KAT6A: variants seen among roughly 807,000 people sequenced by gnomAD.
KAT6A encodes the protein histone acetyltransferase KAT6A.
KAT6A carries 9 observed loss-of-function variants against 198.4 expected under a neutral mutation model. That is an observed-to-expected ratio of 0.05 (90% confidence interval 0.03 to 0.08). The LOEUF is 0.08. KAT6A is among the 10% of genes least tolerant of loss of function. KAT6A has a pLI of 1.00. For synonymous variants in KAT6A, 890 were observed against 883.0 expected (o/e 1.01, Z -0.14); for missense variants, 2,077 against 2,509.9 (o/e 0.83, Z 3.69).
rs1040771668 is a variant in KAT6A at position 42,021,380 on chromosome 8, C to G, written c.600+26998G>C. 8.9e-4 allele frequency among the ~76,000 whole-genome samples: 135 copies of G among 152,242 alleles called. 1 individual carries two copies. Among genetic ancestry groups the G allele is most frequent in the Non-Finnish European group, 8.8e-5 (6 of 68,014 alleles). On this transcript the variant is annotated intron_variant, in intron 2 of 16. Coordinates refer to ENST00000265713, the MANE Select transcript of KAT6A (RefSeq NM_006766.5). ...TATTTCTTGCTCTCTATTTTTGAAA[C>G]AGGCTAAAAAACCACTGCAACAATG...
chr8:41,967,881 C>T (rs1415925544), intron 8 of KAT6A, among the ~76,000 whole-genome samples: 2 of 152,014 alleles, frequency 1.3e-5, no homozygotes, highest in Non-Finnish European at 2.9e-5. Flanking sequence ...GGAAAGGATT[C>T]CCTATTTAAT....
chr8:42,016,755 A>C (rs1306303155), intron 2 of KAT6A, among the ~76,000 whole-genome samples: 1 of 152,170 alleles, frequency 6.6e-6, no homozygotes, highest in Non-Finnish European at 1.5e-5. Flanking sequence ...TAGCACTTAC[A>C]GGTCAAAACT....
intron 2 of KAT6A, among the ~76,000 whole-genome samples, chr8:42,039,195 C>T (rs1488385207): frequency 6.6e-6 from 1 of 152,192 alleles, no homozygotes; most frequent in African/African-American, 2.4e-5. Flanking sequence ...GCTGCAGATC[C>T]TTTGTGAAAT....
At chr8:41,944,039 C>T in intron 12 of KAT6A, 60 bp from the exon 13 acceptor site, 7 of 1,140,642 alleles carry the variant, frequency 6.1e-6, no homozygotes, top group Non-Finnish European at 7.8e-6. Context: ...AAACTGGATT[C>T]ACCAAAATAA....
rs894548694 is a variant in KAT6A at position 41,947,601 on chromosome 8, G to C, written c.1902+150C>G. The C allele has an allele frequency of 3.9e-5, 24 of 610,268 alleles. 1 individual carries two copies. The highest frequency in any genetic ancestry group is 1.5e-4 in the Admixed American group (4 of 27,362). The allele number at this position is 610,268 out of a possible 1,614,324, so 37.8% of individuals were successfully genotyped here. ...GTTACTAAGCACCTTCTAGCACCTG[G>C]TAAGTTTCCAAATGTTCCTTCTATT... On this transcript the variant is annotated intron_variant, in intron 11 of 16. Transcript: ENST00000265713.
In KAT6A at chr8:41,931,030, G is replaced by A. The variant is rs983000423; in HGVS notation, c.*1175C>T. On this transcript the variant is annotated 3_prime_UTR_variant, in exon 17 of 17. Coordinates refer to ENST00000265713, the MANE Select transcript of KAT6A (RefSeq NM_006766.5). ...CTTAAATAGCTACGAAACTCACACC[G>A]TGATCTCCCTTCTGACACACATCTG... 9.3e-6 allele frequency: 2 copies of A among 215,702 alleles called. No homozygotes were observed. The highest frequency in any genetic ancestry group is 1.9e-5 in the Non-Finnish European group (2 of 107,014). The allele number at this position is 215,702 out of a possible 1,614,324, so 13.4% of individuals were successfully genotyped here.
chr8:41,979,727 G>A (rs1824252425), intron 5 of KAT6A, among the ~76,000 whole-genome samples: 1 of 149,928 alleles, frequency 6.7e-6, no homozygotes, highest in African/African-American at 2.5e-5. Context: ...CAGGCTGGGC[G>A]CGGTGGCTCA....
At chr8:42,041,955 TTA>T (rs1158881452) in intron 2 of KAT6A, among the ~76,000 whole-genome samples, 2 of 152,184 alleles carry the variant, frequency 1.3e-5, no homozygotes, top group East Asian at 3.8e-4. Flanking sequence ...AGCCCTGAAT[TTA>T]ATAGCATGGA....
At chr8:41,963,357 G>A (rs1439192378) in intron 8 of KAT6A, among the ~76,000 whole-genome samples, 1 of 152,150 alleles carries the variant, frequency 6.6e-6, no homozygotes, top group East Asian at 1.9e-4. Context: ...CCACAACTGT[G>A]TAAGCATGGT....
At chr8:41,959,128 T>A (rs1488596382) in intron 8 of KAT6A, among the ~76,000 whole-genome samples, 1 of 126,204 alleles carries the variant, frequency 7.9e-6, no homozygotes, top group Non-Finnish European at 1.6e-5. Flanking sequence ...GCCACTGCAC[T>A]CCAGCCTGGG....
intron 2 of KAT6A, among the ~76,000 whole-genome samples, chr8:42,041,673 G>A (rs1827676353): frequency 6.6e-6 from 1 of 151,990 alleles, no homozygotes; most frequent in Admixed American, 6.5e-5. Context: ...GGAAGGCGGA[G>A]GTTGCAGTGA....
At chr8:42,038,739 T>A (rs1402009933) in intron 2 of KAT6A, among the ~76,000 whole-genome samples, 1 of 152,248 alleles carries the variant, frequency 6.6e-6, no homozygotes. Flanking sequence ...ACAAGTCTTT[T>A]TTTCTAATAA....
At position 41,940,871 on chromosome 8, in the gene KAT6A, T is replaced by A. The variant is rs560767148; in HGVS notation, c.3010A>T (p.Ile1004Phe). The A allele has an allele frequency of 1.2e-6, 2 of 1,613,044 alleles. No homozygotes were observed. The highest frequency in any genetic ancestry group is 3.3e-5 in the Admixed American group (2 of 60,002). The change falls in exon 15 of 17, where the codon ATT becomes TTT. Residue 1004 changes from isoleucine (I) to phenylalanine (F), a missense_variant. By Grantham distance (21) the Ile-to-Phe change is conservative (BLOSUM62 0). Transcript: ENST00000265713. ...CGCTTCAGCGTGGGCTTTGTGAGAA[T>A]TGGTGGCGAGCTTGACCGAGGGCTT... ...PESPRSSSPPILTKPTLKRKK... is the reference protein window; with the variant it reads ...PESPRSSSPPFLTKPTLKRKK...
chr8:41,944,490 T>C (rs1438369283), intron 12 of KAT6A, among the ~76,000 whole-genome samples: 1 of 152,200 alleles, frequency 6.6e-6, no homozygotes, highest in African/African-American at 2.4e-5. Flanking sequence ...ACTGCCAATA[T>C]AAGTGTGGAA....
intron 15 of KAT6A, 36 bp downstream of exon 15, chr8:41,940,806 T>A: frequency 6.3e-7 from 1 of 1,575,852 alleles, no homozygotes; most frequent in East Asian, 2.2e-5. Context: ...TAAACTGGAA[T>A]TGGAGGAAGA....
In KAT6A at chr8:41,942,876, C is replaced by T. The variant is rs754713884; in HGVS notation, c.2353G>A (p.Val785Met). 1 of 1,614,194 alleles carries T rather than the reference C, an allele frequency of 6.2e-7. No individual in the cohort carries two copies. Among genetic ancestry groups the T allele is most frequent in the Non-Finnish European group, 8.5e-7 (1 of 1,180,030 alleles). Reference protein sequence around the residue: ...RWTPVIVSNSVVSEEEEEEAE... With the variant: ...RWTPVIVSNSMVSEEEEEEAE... The stretch of plus-strand genomic sequence containing the variant: ...TCCTCTTCTTCCTCCTCTGAGACCA[C>T]AGAGTTGGACACTATGACTGGAGTC... Residue 785 changes from valine (V) to methionine (M), a missense_variant, in exon 14 of 17, where the codon GTG becomes ATG. Physicochemically the swap from Val to Met is conservative, Grantham distance 21 (BLOSUM62 1). Coordinates refer to ENST00000265713, the MANE Select transcript of KAT6A (RefSeq NM_006766.5).
In KAT6A at chr8:42,015,363, T is replaced by G. The variant is rs540584563; in HGVS notation, c.601-27800A>C. On this transcript the variant is annotated intron_variant, in intron 2 of 16. Coordinates refer to ENST00000265713, the MANE Select transcript of KAT6A (RefSeq NM_006766.5). ...ATAAGGAGGTAACTATGCAAACAACTTTCCAGATACCACGACAGCACTTAA... is the reference window on the plus strand; with the variant it reads ...ATAAGGAGGTAACTATGCAAACAACGTTCCAGATACCACGACAGCACTTAA... 1.4e-4 allele frequency among the ~76,000 whole-genome samples: 22 copies of G among 152,340 alleles called. No homozygotes were observed. In the East Asian group the frequency reaches 4.2e-3, roughly 29 times the overall value.
chr8:42,001,658 A>G lies in KAT6A; in HGVS notation c.601-14095T>C, dbSNP rs138628569. 1.8e-3 allele frequency among the ~76,000 whole-genome samples: 274 copies of G among 152,358 alleles called. 1 individual carries two copies. Among genetic ancestry groups the G allele is most frequent in the African/African-American group, 6.4e-3 (267 of 41,584 alleles). On this transcript the variant is annotated intron_variant, in intron 2 of 16. Coordinates refer to ENST00000265713, the MANE Select transcript of KAT6A (RefSeq NM_006766.5). ...AGGGAAGAGACACACCCAAAGAGCT[A>G]GGGCAAAAGTAAGATGAAGGCCTTG...
At chr8:41,939,716 A>G (rs915923451) in intron 15 of KAT6A, among the ~76,000 whole-genome samples, 4 of 152,222 alleles carry the variant, frequency 2.6e-5, no homozygotes, top group African/African-American at 9.6e-5. Flanking sequence ...GAAACTAAGG[A>G]AATTCTGAGA....
Sources: gnomAD v4.1 joint callset for allele counts (sites outside exome capture counted in the v4.1 genomes callset) on GRCh38, gnomAD v4.1.1 for gene constraint, MANE v1.5 for transcripts, NCBI Gene and HGNC (gene_info 2026-07-23, HGNC 2026-07-21) for gene names.